The following GMDS variants were observed in gnomAD, a reference collection of about 807,000 sequenced individuals.
GMDS encodes GDP-mannose 4,6 dehydratase.
Under a neutral mutation model 49.9 loss-of-function variants are expected in GMDS, and 20 were observed. The ratio of observed to expected loss-of-function variants is 0.40; its 90% CI spans 0.28 to 0.58. GMDS has a LOEUF of 0.58. GMDS is among the 20% of genes least tolerant of loss of function. The pLI is 0.42. For missense variants in GMDS, 362 were observed against 481.4 expected, an observed-to-expected ratio of 0.75 and a Z score of 2.32; for synonymous variants, 177 against 178.6, an observed-to-expected ratio of 0.99 and a Z score of 0.07.
chr6:1,663,293 G>C (rs1581428384), intron 9 of GMDS, among the ~76,000 whole-genome samples: 1 of 152,178 alleles, frequency 6.6e-6, no homozygotes, highest in Non-Finnish European at 1.5e-5. Flanking sequence ...CGTTGGCTCA[G>C]AAAAGGCAGC....
intron 9 of GMDS, among the ~76,000 whole-genome samples, chr6:1,696,270 C>T (rs1212920471): frequency 2.6e-5 from 4 of 152,236 alleles, no homozygotes; most frequent in Non-Finnish European, 4.4e-5. Context: ...TGACTTGCAA[C>T]AGAACTTTTC....
chr6:2,193,181 C>T (rs1779123986), intron 1 of GMDS, among the ~76,000 whole-genome samples: 1 of 152,224 alleles, frequency 6.6e-6, no homozygotes, highest in African/African-American at 2.4e-5. Flanking sequence ...GCATTCCTCA[C>T]AACTTCCTCA....
chr6:2,071,937 TA>T (rs1344551081), intron 4 of GMDS, among the ~76,000 whole-genome samples: 4 of 152,290 alleles, frequency 2.6e-5, no homozygotes, highest in African/African-American at 9.6e-5. Context: ...ACACTTTGAT[TA>T]AAGCAACGAA....
In GMDS at chr6:1,990,529, A is replaced by C. The variant is rs573074090; in HGVS notation, c.346-29563T>G. On this transcript the variant is annotated intron_variant, in intron 4 of 10. Transcript: ENST00000380815. Reference sequence around the variant, plus strand: ...TTAACCTGTATTCTTACTAATACATAGTGGAACATACCCCCTGACAAATGT... The same window carrying C: ...TTAACCTGTATTCTTACTAATACATCGTGGAACATACCCCCTGACAAATGT... 3.9e-5 allele frequency among the ~76,000 whole-genome samples: 6 copies of C among 152,296 alleles called. No homozygotes were observed. In the South Asian group the frequency reaches 1.2e-3, roughly 32 times the overall value.
At chr6:1,844,350 T>C (rs902411967) in intron 7 of GMDS, among the ~76,000 whole-genome samples, 2 of 152,254 alleles carry the variant, frequency 1.3e-5, no homozygotes, top group Non-Finnish European at 2.9e-5. Flanking sequence ...GTGGATTGTA[T>C]GTACTTGGAT....
At chr6:1,984,210 G>A (rs1338288756) in intron 4 of GMDS, among the ~76,000 whole-genome samples, 2 of 152,080 alleles carry the variant, frequency 1.3e-5, no homozygotes, top group Non-Finnish European at 2.9e-5. Context: ...ACACACACTG[G>A]GGCCTGTCAG....
intron 9 of GMDS, among the ~76,000 whole-genome samples, chr6:1,684,031 C>T (rs1035072247): frequency 3.0e-5 from 2 of 67,040 alleles, no homozygotes; most frequent in East Asian, 1.4e-3. Context: ...GGCCTGGATC[C>T]GCCCTCTATC....
At chr6:1,819,947 A>T (rs1209089997) in intron 7 of GMDS, among the ~76,000 whole-genome samples, 1 of 151,780 alleles carries the variant, frequency 6.6e-6, no homozygotes, top group African/African-American at 2.4e-5. Context: ...TGCTAAGCAG[A>T]AAGTATTACA....
intron 4 of GMDS, among the ~76,000 whole-genome samples, chr6:1,981,111 C>T (rs988050209): frequency 1.3e-5 from 2 of 151,788 alleles, no homozygotes; most frequent in Non-Finnish European, 2.9e-5. Context: ...AATTAACAAC[C>T]TAACATCAGA....
At chr6:1,918,719 A>T (rs1581361080) in intron 7 of GMDS, among the ~76,000 whole-genome samples, 1 of 152,350 alleles carries the variant, frequency 6.6e-6, no homozygotes, top group South Asian at 2.1e-4. Context: ...ACTGCACTCC[A>T]GTATGGGTGA....
intron 7 of GMDS, among the ~76,000 whole-genome samples, chr6:1,750,396 T>C (rs1054514193): frequency 3.3e-5 from 5 of 152,134 alleles, no homozygotes; most frequent in African/African-American, 1.2e-4. Context: ...CTCATCTCAT[T>C]GGGACTGGTT....
At chr6:1,639,736 G>A (rs1255126915) in intron 9 of GMDS, among the ~76,000 whole-genome samples, 1 of 152,214 alleles carries the variant, frequency 6.6e-6, no homozygotes, top group East Asian at 1.9e-4. Flanking sequence ...AAACCAGCCG[G>A]GTGTGGTGGT....
chr6:1,943,332 A>G (rs1287688001), intron 6 of GMDS, among the ~76,000 whole-genome samples: 1 of 151,992 alleles, frequency 6.6e-6, no homozygotes, highest in Non-Finnish European at 1.5e-5. Context: ...GTGCTCCTCC[A>G]TCACCCTTGC....
At chr6:2,217,310 T>G (rs1780386347) in intron 1 of GMDS, among the ~76,000 whole-genome samples, 1 of 152,182 alleles carries the variant, frequency 6.6e-6, no homozygotes. Flanking sequence ...GCCAGTTCTA[T>G]TACCAGGACA....
At chr6:1,933,152 G>A (rs1762374041) in intron 6 of GMDS, among the ~76,000 whole-genome samples, 1 of 152,066 alleles carries the variant, frequency 6.6e-6, no homozygotes, top group African/African-American at 2.4e-5. Flanking sequence ...TTTGTTTCTG[G>A]TTTCTTTTAG....
intron 7 of GMDS, among the ~76,000 whole-genome samples, chr6:1,853,089 A>G (rs1467970357): frequency 6.6e-6 from 1 of 152,178 alleles, no homozygotes; most frequent in African/African-American, 2.4e-5. Context: ...AAATGCAGGC[A>G]GGACTTGCTA....
intron 7 of GMDS, among the ~76,000 whole-genome samples, chr6:1,844,203 A>T (rs1757281313): frequency 2.0e-5 from 3 of 152,308 alleles, no homozygotes; most frequent in African/African-American, 7.2e-5. Context: ...GCTGGGGTTT[A>T]TATGCAAGTT....
chr6:1,924,094 C>T (rs1761868903), intron 7 of GMDS, among the ~76,000 whole-genome samples: 1 of 152,254 alleles, frequency 6.6e-6, no homozygotes, highest in South Asian at 2.1e-4. Context: ...ATAGGTTCGG[C>T]AAGATCTGAC....
intron 4 of GMDS, among the ~76,000 whole-genome samples, chr6:2,033,343 C>T (rs780123699): frequency 6.6e-6 from 1 of 152,142 alleles, no homozygotes. Flanking sequence ...AAAGCTAGAG[C>T]AATATTTCCC....
Sources: gnomAD v4.1 joint callset for allele counts (sites outside exome capture counted in the v4.1 genomes callset) on GRCh38, gnomAD v4.1.1 for gene constraint, MANE v1.5 for transcripts, NCBI Gene and HGNC (gene_info 2026-07-23, HGNC 2026-07-21) for gene names.